The following SLC35F3 variants were observed in gnomAD, a reference collection of about 807,000 sequenced individuals.
SLC35F3 encodes solute carrier family 35 member F3.
A neutral mutation model predicts 49.9 loss-of-function variants in SLC35F3; 25 were observed. The observed-to-expected ratio is 0.50, with a 90% CI of 0.37 to 0.70. The LOEUF (loss-of-function observed/expected upper bound fraction) is 0.70. Among genes scored for constraint, SLC35F3 ranks in the 30% least tolerant of loss-of-function variants. The pLI is 0.00. For missense variants in SLC35F3, 525 were observed against 639.8 expected, an observed-to-expected ratio of 0.82 and a Z score of 1.94; for synonymous variants, 275 against 265.4, an observed-to-expected ratio of 1.04 and a Z score of -0.35.
At chr1:233,956,539 A>G (rs756511805) in intron 2 of SLC35F3, among the ~76,000 whole-genome samples, 11 of 152,084 alleles carry the variant, frequency 7.2e-5, no homozygotes, top group Admixed American at 2.6e-4. Flanking sequence ...TTCTTCCCCT[A>G]TGGAAGAGTA....
chr1:233,913,654 T>C (rs1661921838), intron 2 of SLC35F3, among the ~76,000 whole-genome samples: 1 of 152,214 alleles, frequency 6.6e-6, no homozygotes, highest in Non-Finnish European at 1.5e-5. Context: ...CTCAGGCACA[T>C]ACACAAATGG....
At chr1:233,973,050 A>G (rs1663020967) in intron 2 of SLC35F3, among the ~76,000 whole-genome samples, 1 of 152,246 alleles carries the variant, frequency 6.6e-6, no homozygotes, top group South Asian at 2.1e-4. Flanking sequence ...GTCTCTGGCA[A>G]TAAATATGCC....
At chr1:234,152,798 G>A (rs138710319) in intron 2 of SLC35F3, among the ~76,000 whole-genome samples, 2,810 of 152,126 alleles carry the variant, frequency 0.018, 80 homozygotes, top group African/African-American at 0.064. Context: ...TTGAAAAATC[G>A]CCACACTGTC....
intron 2 of SLC35F3, among the ~76,000 whole-genome samples, chr1:234,113,283 GA>G (rs1172162782): frequency 6.6e-6 from 1 of 152,156 alleles, no homozygotes; most frequent in African/African-American, 2.4e-5. Flanking sequence ...GGAGCCAGGA[GA>G]AACCTGGCAG....
intron 2 of SLC35F3, among the ~76,000 whole-genome samples, chr1:233,929,690 C>A (rs1486487739): frequency 6.6e-6 from 1 of 152,114 alleles, no homozygotes; most frequent in Non-Finnish European, 1.5e-5. Context: ...TCTAATGCAA[C>A]CCTTAAAGAG....
At chr1:233,958,134 C>T (rs987760804) in intron 2 of SLC35F3, among the ~76,000 whole-genome samples, 1 of 152,190 alleles carries the variant, frequency 6.6e-6, no homozygotes, top group Admixed American at 6.5e-5. Flanking sequence ...CCACTGCTGC[C>T]TTCACCACAC....
chr1:234,054,989 T>C (rs1467981161), intron 2 of SLC35F3, among the ~76,000 whole-genome samples: 3 of 152,212 alleles, frequency 2.0e-5, no homozygotes, highest in Non-Finnish European at 4.4e-5. Context: ...TGTTGCTACC[T>C]GATCATTCCT....
In SLC35F3 at chr1:234,260,294, T is replaced by C. The variant is rs138872143; in HGVS notation, c.608+28553T>C. ...TTCTGCACTTCGTGAAAGGCTGCCA[T>C]ATGGACCCAAAAGCAAAAATATGCC... On this transcript the variant is annotated intron_variant, in intron 3 of 7. Transcript: ENST00000366618. Among the ~76,000 whole-genome samples, 563 of 152,262 alleles carry C rather than the reference T, an allele frequency of 3.7e-3. 2 individuals carry two copies. The highest frequency in any genetic ancestry group is 0.013 in the African/African-American group (522 of 41,552).
intron 2 of SLC35F3, among the ~76,000 whole-genome samples, chr1:233,956,012 C>G (rs779722622): frequency 6.7e-6 from 1 of 148,840 alleles, no homozygotes; most frequent in African/African-American, 2.5e-5. Context: ...CTCAGTCTCT[C>G]GAGTAGCTGG....
chr1:233,917,142 T>A (rs1661986360), intron 2 of SLC35F3, among the ~76,000 whole-genome samples: 1 of 152,224 alleles, frequency 6.6e-6, no homozygotes, highest in African/African-American at 2.4e-5. Flanking sequence ...TTGGATTGGC[T>A]CCATGCCATA....
At chr1:234,176,600 A>G (rs565045569) in intron 2 of SLC35F3, among the ~76,000 whole-genome samples, 3 of 152,200 alleles carry the variant, frequency 2.0e-5, no homozygotes, top group Non-Finnish European at 4.4e-5. Flanking sequence ...TCACACTCAC[A>G]GCCCATCAGA....
At chr1:234,058,328 A>ATTTTTTTTTTTTTTTTTTTTTTTTT (rs56960667) in intron 2 of SLC35F3, among the ~76,000 whole-genome samples, 1 of 39,792 alleles carries the variant, frequency 2.5e-5, no homozygotes, top group African/African-American at 1.4e-4. Context: ...ATGTTCCTGA[A>ATTTTTTTTTTTTTTTTTTTTTTTTT]TTTTTTTTTT....
intron 2 of SLC35F3, among the ~76,000 whole-genome samples, chr1:234,058,302 A>G (rs1217308804): frequency 9.5e-6 from 1 of 105,262 alleles, no homozygotes; most frequent in Non-Finnish European, 1.8e-5. Flanking sequence ...GTTATGGTGT[A>G]TAATTGTCTT....
intron 3 of SLC35F3, among the ~76,000 whole-genome samples, chr1:234,275,434 TC>T (rs1668188688): frequency 6.6e-6 from 1 of 152,154 alleles, no homozygotes; most frequent in African/African-American, 2.4e-5. Flanking sequence ...TCAATTTCAT[TC>T]CCCTGAATTC....
At chr1:233,907,263 G>C (rs1233891007) in intron 2 of SLC35F3, among the ~76,000 whole-genome samples, 1 of 152,130 alleles carries the variant, frequency 6.6e-6, no homozygotes, top group African/African-American at 2.4e-5. Flanking sequence ...TCATAAAAAG[G>C]TTTTATCTTT....
In SLC35F3 at chr1:234,222,446, C is replaced by T. The variant is rs185200796; in HGVS notation, c.284-8971C>T. Among the ~76,000 whole-genome samples, 35 of 152,294 alleles carry T rather than the reference C, an allele frequency of 2.3e-4. 1 individual carries two copies. The East Asian group carries it at 5.6e-3, about 24-fold the overall frequency. On this transcript the variant is annotated intron_variant, in intron 2 of 7. Coordinates refer to ENST00000366618, the MANE Select transcript of SLC35F3 (RefSeq NM_173508.4). ...AGAACTGGAGTTATGTTTGAGAAAACGGTGTTTTAATTTTGCTCTGTTCTG... is the reference window on the plus strand; with the variant it reads ...AGAACTGGAGTTATGTTTGAGAAAATGGTGTTTTAATTTTGCTCTGTTCTG...
chr1:233,927,882 A>T (rs1258015529), intron 2 of SLC35F3, among the ~76,000 whole-genome samples: 1 of 152,174 alleles, frequency 6.6e-6, no homozygotes, highest in Non-Finnish European at 1.5e-5. Context: ...CCTTAAATAG[A>T]TATAAAAAGT....
At chr1:233,908,612 G>A (rs1252932974) in intron 2 of SLC35F3, among the ~76,000 whole-genome samples, 1 of 146,448 alleles carries the variant, frequency 6.8e-6, no homozygotes, top group Non-Finnish European at 1.5e-5. Flanking sequence ...TGCAATCTCG[G>A]CTCACTGCAA....
At chr1:234,121,644 A>G (rs2102893537) in intron 2 of SLC35F3, among the ~76,000 whole-genome samples, 1 of 151,920 alleles carries the variant, frequency 6.6e-6, no homozygotes, top group African/African-American at 2.4e-5. Context: ...TACATGTGCC[A>G]TGTTGGTTTG....
Sources: gnomAD v4.1 joint callset for allele counts (sites outside exome capture counted in the v4.1 genomes callset) on GRCh38, gnomAD v4.1.1 for gene constraint, MANE v1.5 for transcripts, NCBI Gene and HGNC (gene_info 2026-07-23, HGNC 2026-07-21) for gene names.